LRP11: variants seen among roughly 807,000 people sequenced by gnomAD.
LRP11 encodes LDL receptor related protein 11, also known as low-density lipoprotein receptor-related protein 11.
Under a neutral mutation model 43.1 loss-of-function variants are expected in LRP11, and 25 were observed. The ratio of observed to expected loss-of-function variants is 0.58; its 90% CI spans 0.42 to 0.81. LRP11 has a LOEUF of 0.81. Ranked by LOEUF, LRP11 falls within the 30% of genes least tolerant of loss-of-function variation. The probability of loss-of-function intolerance (pLI) is 0.00; values close to 1 mark genes in which losing one functional copy is unlikely to be tolerated. For synonymous variants in LRP11, 316 were observed against 299.4 expected (o/e 1.06, Z -0.57); for missense variants, 623 against 665.1 (o/e 0.94, Z 0.70).
chr6:149,831,690 A>G (rs988937246), intron 5 of LRP11, among the ~76,000 whole-genome samples: 5 of 152,198 alleles, frequency 3.3e-5, no homozygotes, highest in African/African-American at 1.2e-4. Context: ...TGTTTTAGAG[A>G]TGAGGTCTTA....
chr6:149,826,576 CAGAG>C (rs748317278), intron 5 of LRP11, among the ~76,000 whole-genome samples: 38 of 146,246 alleles, frequency 2.6e-4, no homozygotes, highest in East Asian at 1.0e-3. Flanking sequence ...AAACCACCGA[CAGAG>C]AGAGCGGAAG....
chr6:149,820,793 CTATTT>C (rs775133559), intron 6 of LRP11, 90 bp from the exon 7 acceptor site: 57 of 671,822 alleles, frequency 8.5e-5, no homozygotes, highest in Non-Finnish European at 1.3e-4. Context: ...TTTGCATGCA[CTATTT>C]TATTTAATCC....
intron 3 of LRP11, among the ~76,000 whole-genome samples, chr6:149,837,896 T>A (rs1393093607): frequency 6.6e-6 from 1 of 152,136 alleles, no homozygotes; most frequent in Non-Finnish European, 1.5e-5. Context: ...GTTGGCTATG[T>A]TTTAACAGAG....
rs1776994355 is a variant in LRP11, at chr6:149,864,051, G to A, written c.-31C>T. On this transcript the variant is annotated 5_prime_UTR_variant, in exon 1 of 7. Coordinates refer to ENST00000239367, the MANE Select transcript of LRP11 (RefSeq NM_032832.6). ...CGAGAGCCAAGGGCAGCGAGCCGAG[G>A]CGGGGCTGAGCGCGGGAGGAAGGCG... 1.6e-6 allele frequency: 2 copies of A among 1,282,218 alleles called. No individual in the cohort carries two copies. The highest frequency in any genetic ancestry group is 3.3e-5 in the East Asian group (1 of 30,752). The allele number at this position is 1,282,218 out of a possible 1,614,324, so 79.4% of individuals were successfully genotyped here.
chr6:149,824,785 G>A (rs1262992720), intron 6 of LRP11, among the ~76,000 whole-genome samples: 2 of 152,152 alleles, frequency 1.3e-5, no homozygotes, highest in South Asian at 2.1e-4. Flanking sequence ...GTTTGAACCC[G>A]GGAAGCAGAG....
chr6:149,859,396 A>ATATATATATATTTTTTTTTTTTT, intron 1 of LRP11, among the ~76,000 whole-genome samples: 5 of 71,492 alleles, frequency 7.0e-5, no homozygotes, highest in African/African-American at 2.5e-4. Flanking sequence ...ATATATATAT[A>ATATATATATATTTTTTTTTTTTT]TTTTTTTTTT....
chr6:149,859,396 A>ATATATATATATATATATTTT, intron 1 of LRP11, among the ~76,000 whole-genome samples: 57 of 71,478 alleles, frequency 8.0e-4, no homozygotes, highest in Admixed American at 1.2e-3. Flanking sequence ...ATATATATAT[A>ATATATATATATATATATTTT]TTTTTTTTTT....
chr6:149,820,533 T>C lies in LRP11; in HGVS notation c.*16A>G, dbSNP rs1325186250. 1 of 777,704 alleles carries C rather than the reference T, an allele frequency of 1.3e-6. No homozygotes were observed. The highest frequency in any genetic ancestry group is 2.4e-6 in the Non-Finnish European group (1 of 416,728). 48.2% of individuals were successfully genotyped at this position (777,704 alleles called of 1,614,324 possible). On this transcript the variant is annotated 3_prime_UTR_variant, in exon 7 of 7. Transcript: ENST00000239367. Reference sequence around the variant, plus strand: ...AACAAAACATGTCCCTGCCCCAAGGTATTGAAATTACATTACTATAGATAC... The same window carrying C: ...AACAAAACATGTCCCTGCCCCAAGGCATTGAAATTACATTACTATAGATAC...
intron 3 of LRP11, among the ~76,000 whole-genome samples, chr6:149,841,197 T>G (rs757789679): frequency 2.0e-5 from 3 of 152,214 alleles, no homozygotes; most frequent in Non-Finnish European, 2.9e-5. Flanking sequence ...CCAGTATGCA[T>G]ACTAACCTCA....
At chr6:149,834,694 C>T (rs966911511) in intron 5 of LRP11, among the ~76,000 whole-genome samples, 2 of 152,172 alleles carry the variant, frequency 1.3e-5, no homozygotes, top group Non-Finnish European at 2.9e-5. Flanking sequence ...CATGTAGTGA[C>T]CGATTTTACC....
intron 5 of LRP11, among the ~76,000 whole-genome samples, chr6:149,831,542 G>A (rs1259479209): frequency 6.6e-6 from 1 of 152,212 alleles, no homozygotes; most frequent in Non-Finnish European, 1.5e-5. Context: ...TGCTCCTCCT[G>A]CCCGGTGGCT....
intron 1 of LRP11, among the ~76,000 whole-genome samples, chr6:149,862,440 C>A (rs570802222): frequency 3.3e-5 from 5 of 152,320 alleles, no homozygotes; most frequent in Admixed American, 2.6e-4. Context: ...ACATTCATGT[C>A]CAACCACTAC....
At position 149,863,547 on chromosome 6, in the gene LRP11, GAGCA is replaced by G. The variant is rs957812597; in HGVS notation, c.470_473del (p.Val157AlafsTer72). 32 of 1,371,242 alleles carry G rather than the reference GAGCA, an allele frequency of 2.3e-5. No homozygotes were observed. Among genetic ancestry groups the G allele is most frequent in the Non-Finnish European group, 2.3e-5 (25 of 1,070,260 alleles). The allele number at this position is 1,371,242 out of a possible 1,614,324, so 84.9% of individuals were successfully genotyped here. A position where few individuals can be genotyped will look rare whatever the true frequency, so the allele number is the denominator to read the frequency against. ...CCGTGCAGTTGAAGAGGTAGCAGCC[GAGCA>G]CGGCTGCCGGGGGCGCGGGGCGCCG... is the stretch of plus-strand genomic sequence containing the variant. On this transcript the variant is annotated frameshift_variant, in exon 1 of 7. Coordinates refer to ENST00000239367, the MANE Select transcript of LRP11 (RefSeq NM_032832.6). LOFTEE classifies it high-confidence loss of function.
At chr6:149,849,845 TATTA>T (rs754866181) in intron 2 of LRP11, among the ~76,000 whole-genome samples, 2 of 152,222 alleles carry the variant, frequency 1.3e-5, no homozygotes, top group South Asian at 2.1e-4. Flanking sequence ...AAAAATTAAC[TATTA>T]ATTGTTTCAT....
At chr6:149,855,716 A>T (rs1404847599) in intron 1 of LRP11, among the ~76,000 whole-genome samples, 2 of 148,554 alleles carry the variant, frequency 1.3e-5, no homozygotes, top group African/African-American at 5.2e-5. Flanking sequence ...TTTTTTTAAA[A>T]AAAAAACACA....
At chr6:149,858,919 C>G (rs766352204) in intron 1 of LRP11, among the ~76,000 whole-genome samples, 1 of 152,162 alleles carries the variant, frequency 6.6e-6, no homozygotes, top group Non-Finnish European at 1.5e-5. Flanking sequence ...TTAATGGTTT[C>G]TGCCACATAT....
intron 3 of LRP11, among the ~76,000 whole-genome samples, chr6:149,840,595 C>T (rs1289168293): frequency 2.6e-5 from 4 of 152,206 alleles, no homozygotes; most frequent in African/African-American, 9.7e-5. Context: ...GCAGGCCCTT[C>T]CTCCCTCCCA....
At chr6:149,846,953 T>TAATAGAATAG (rs71010876) in intron 2 of LRP11, among the ~76,000 whole-genome samples, 20,798 of 131,344 alleles carry the variant, frequency 0.16, 1,921 homozygotes, top group Non-Finnish European at 0.18. Context: ...TAAAATAAAA[T>TAATAGAATAG]AATAGAATAG....
chr6:149,863,657 C>T lies in LRP11; in HGVS notation c.364G>A (p.Ala122Thr), dbSNP rs1350773996. 6.8e-7 allele frequency: 1 copy of T among 1,474,016 alleles called. No homozygotes were observed. The highest frequency in any genetic ancestry group is 8.9e-7 in the Non-Finnish European group (1 of 1,119,366). 91.3% of individuals were successfully genotyped at this position (1,474,016 alleles called of 1,614,324 possible). ...CATTGCCGCCAGCCCCGCACGGCCG[C>T]CGGCGCCCGCAGGAAGCTGGCACCC... ...AAGASFLRAP[A>T]AVRGWRQCVA... Residue 122 changes from alanine (A) to threonine (T), a missense_variant, in exon 1 of 7, where the codon GCG becomes ACG. Coordinates refer to ENST00000239367, the MANE Select transcript of LRP11 (RefSeq NM_032832.6).
Sources: gnomAD v4.1 joint callset for allele counts (sites outside exome capture counted in the v4.1 genomes callset) on GRCh38, gnomAD v4.1.1 for gene constraint, MANE v1.5 for transcripts, NCBI Gene and HGNC (gene_info 2026-07-23, HGNC 2026-07-21) for gene names.